The following CAST variants were observed in gnomAD, a reference collection of about 807,000 sequenced individuals.
CAST encodes the protein calpastatin.
CAST carries 76 observed loss-of-function variants against 119.6 expected under a neutral mutation model. That is an observed-to-expected ratio of 0.64 (90% CI 0.53 to 0.77). CAST has a LOEUF of 0.77. Ranked by LOEUF, CAST falls within the 30% of genes least tolerant of loss-of-function variation. The pLI, the probability that CAST is intolerant of heterozygous loss-of-function variation, is 0.00. For synonymous variants in CAST, 319 were observed against 331.6 expected (o/e 0.96, Z 0.41); for missense variants, 953 against 946.5 (o/e 1.01, Z -0.09).
At chr5:96,583,329 GT>G (rs1746799470) in intron 1 of CAST, among the ~76,000 whole-genome samples, 2 of 151,434 alleles carry the variant, frequency 1.3e-5, no homozygotes, top group African/African-American at 4.9e-5. Flanking sequence ...GACAATTTCT[GT>G]TCAAAGGAGG....
the CAST span, among the ~76,000 whole-genome samples, chr5:96,403,658 C>T: frequency 6.6e-6 from 1 of 152,268 alleles, no homozygotes; most frequent in African/African-American, 2.4e-5. Context: ...CCGAATTAAG[C>T]ATTGCTTCTA....
the CAST span, among the ~76,000 whole-genome samples, chr5:96,208,728 G>T: frequency 6.6e-6 from 1 of 151,634 alleles, no homozygotes; most frequent in African/African-American, 2.4e-5. Flanking sequence ...GCTGAAAATT[G>T]TCTTATGGCT....
chr5:95,989,285 A>AT, the CAST span, among the ~76,000 whole-genome samples: 2 of 152,112 alleles, frequency 1.3e-5, no homozygotes, highest in Non-Finnish European at 2.9e-5. Flanking sequence ...CTTTATTATT[A>AT]TTTTTTTAAA....
chr5:96,229,071 T>A, the CAST span, among the ~76,000 whole-genome samples: 1 of 152,004 alleles, frequency 6.6e-6, no homozygotes, highest in Non-Finnish European at 1.5e-5. Flanking sequence ...ATCCATGTTA[T>A]CTATTACCTG....
intron 2 of CAST, among the ~76,000 whole-genome samples, chr5:96,685,403 C>G (rs1751966844): frequency 1.3e-5 from 2 of 152,084 alleles, no homozygotes; most frequent in East Asian, 3.8e-4. Flanking sequence ...GGACAATAAC[C>G]TGAAATCATA....
At chr5:96,533,976 G>A (rs1323046992) in intron 1 of CAST, among the ~76,000 whole-genome samples, 1 of 152,134 alleles carries the variant, frequency 6.6e-6, no homozygotes, top group Non-Finnish European at 1.5e-5. Context: ...TAAATTAAAT[G>A]AGCCTGTCAC....
At chr5:96,565,308 A>C (rs528567419) in intron 1 of CAST, among the ~76,000 whole-genome samples, 2 of 152,288 alleles carry the variant, frequency 1.3e-5, no homozygotes, top group East Asian at 3.9e-4. Flanking sequence ...TGAGGTGATA[A>C]ATATGCTACT....
the CAST span, among the ~76,000 whole-genome samples, chr5:96,143,880 TTAAATTTTTA>T: frequency 6.6e-6 from 1 of 152,254 alleles, no homozygotes; most frequent in Non-Finnish European, 1.5e-5. Flanking sequence ...AATGTTATTT[TTAAATTTTTA>T]TTTATTAGTG....
chr5:96,744,803 G>A (rs1342268795), intron 16 of CAST, among the ~76,000 whole-genome samples: 1 of 152,058 alleles, frequency 6.6e-6, no homozygotes, highest in East Asian at 1.9e-4. Context: ...AGCTATCTGT[G>A]GAAAACCACA....
At chr5:96,203,653 A>G in the CAST span, among the ~76,000 whole-genome samples, 1 of 152,056 alleles carries the variant, frequency 6.6e-6, no homozygotes, top group Admixed American at 6.6e-5. Flanking sequence ...AGAAAATGCT[A>G]AATTTCAGTT....
chr5:96,721,080 T>C (rs1758157867), intron 3 of CAST, among the ~76,000 whole-genome samples: 1 of 152,196 alleles, frequency 6.6e-6, no homozygotes, highest in Admixed American at 6.5e-5. Context: ...TATTTATCCA[T>C]TAATTTGATA....
At chr5:96,157,231 C>A in the CAST span, among the ~76,000 whole-genome samples, 1 of 152,132 alleles carries the variant, frequency 6.6e-6, no homozygotes, top group African/African-American at 2.4e-5. Context: ...GGGTTTGCCC[C>A]ACCTGTGTGA....
At chr5:96,222,441 T>C in the CAST span, among the ~76,000 whole-genome samples, 31 of 151,962 alleles carry the variant, frequency 2.0e-4, no homozygotes, top group East Asian at 5.8e-3. Flanking sequence ...CCATTAAAAA[T>C]TGGGCAAAGA....
the CAST span, among the ~76,000 whole-genome samples, chr5:96,265,068 ATG>A: frequency 3.3e-5 from 5 of 152,262 alleles, no homozygotes; most frequent in East Asian, 9.6e-4. Context: ...GTAACAGGAT[ATG>A]TATGTATTTG....
chr5:96,534,689 A>AGGGG (rs1745750258), intron 1 of CAST, among the ~76,000 whole-genome samples: 2 of 83,606 alleles, frequency 2.4e-5, no homozygotes, highest in East Asian at 5.6e-4. Flanking sequence ...AGAGAGAGAG[A>AGGGG]GGAAGGAAGG....
the CAST span, among the ~76,000 whole-genome samples, chr5:96,289,194 C>T: frequency 0.44 from 66,903 of 151,802 alleles, 15,305 homozygotes; most frequent in Admixed American, 0.55. Flanking sequence ...CTATGTTATA[C>T]ATAAAATGTT....
the CAST span, among the ~76,000 whole-genome samples, chr5:96,240,371 C>G: frequency 2.0e-5 from 3 of 152,130 alleles, no homozygotes; most frequent in African/African-American, 7.2e-5. Flanking sequence ...GCACAGTTTT[C>G]TCTCCATGTT....
the CAST span, chr5:96,408,190 T>C: frequency 6.9e-7 from 1 of 1,459,194 alleles, no homozygotes; most frequent in South Asian, 1.1e-5. Flanking sequence ...AATCAGCCTT[T>C]GTAAAGGTGA....
At chr5:96,754,844 T>C (rs941537364) in intron 22 of CAST, 103 bp downstream of exon 22, 1 of 707,706 alleles carries the variant, frequency 1.4e-6, no homozygotes, top group Non-Finnish European at 2.5e-6. Context: ...AGATCTTGTT[T>C]CTTCATATTT....
Sources: gnomAD v4.1 joint callset for allele counts (sites outside exome capture counted in the v4.1 genomes callset) on GRCh38, gnomAD v4.1.1 for gene constraint, MANE v1.5 for transcripts, NCBI Gene and HGNC (gene_info 2026-07-23, HGNC 2026-07-21) for gene names.